Variants in GCDH observed in about 807,000 individuals in gnomAD.
The protein encoded by GCDH is glutaryl-CoA dehydrogenase.
Under a neutral mutation model 52.8 loss-of-function variants are expected in GCDH, and 31 were observed. The ratio of observed to expected loss-of-function variants is 0.59; its 90% CI spans 0.44 to 0.79. The LOEUF (loss-of-function observed/expected upper bound fraction) is 0.79, where lower values mean the gene tolerates loss of function less well. Among genes scored for constraint, GCDH ranks in the 30% least tolerant of loss-of-function variants. The probability of loss-of-function intolerance (pLI) is 0.00; values close to 1 mark genes in which losing one functional copy is unlikely to be tolerated. For synonymous variants in GCDH, 242 were observed against 250.0 expected (o/e 0.97, Z 0.30); for missense variants, 509 against 595.0 (o/e 0.86, Z 1.50).
intron 6 of GCDH, chr19:12,894,075 C>T (rs992750315): frequency 4.8e-5 from 36 of 750,844 alleles, no homozygotes; most frequent in African/African-American, 8.8e-5. Flanking sequence ...ATGTGACCTG[C>T]GCTAAGTGGA....
At chr19:12,898,186 A>ATTTTTTAATGATCC in intron 11 of GCDH, 1 of 414,166 alleles carries the variant, frequency 2.4e-6, no homozygotes, top group Non-Finnish European at 4.6e-6. Context: ...GACTCCTAGC[A>ATTTTTTAATGATCC]GGCTGGTGGA....
At chr19:12,897,050 G>A (rs1488377322) in intron 9 of GCDH, 37 bp downstream of exon 9, 8 of 1,525,258 alleles carry the variant, frequency 5.2e-6, no homozygotes, top group Non-Finnish European at 6.3e-6. Flanking sequence ...CTGGGGGTGT[G>A]GGGCAGCTTG....
In GCDH at chr19:12,899,768, T is replaced by G. The variant is rs911451922; in HGVS notation, c.*227T>G. The G allele has an allele frequency of 6.2e-7, 1 of 1,607,166 alleles. No individual in the cohort carries two copies. The highest frequency in any genetic ancestry group is 1.7e-5 in the Admixed American group (1 of 59,984). ...GAGCGTCTCAATCCACTTTTAACCA[T>G]GGATGAGAGCAGACTCCATTTACCC... On this transcript the variant is annotated 3_prime_UTR_variant, in exon 12 of 12. Coordinates refer to ENST00000222214, the MANE Select transcript of GCDH (RefSeq NM_000159.4).
chr19:12,891,929 C>CA lies in GCDH; in HGVS notation c.227dup (p.Glu77GlyfsTer111), dbSNP rs751446616. The CA allele has an allele frequency of 6.2e-7, 1 of 1,614,224 alleles. No homozygotes were observed. The highest frequency in any genetic ancestry group is 1.1e-5 in the South Asian group (1 of 91,088). Reference sequence around the variant, plus strand: ...CAGGGACACCTTCCGCACCTACTGCCAGGAGAGACTCATGCCTCGCATCCT... The same window carrying CA: ...CAGGGACACCTTCCGCACCTACTGCCAAGGAGAGACTCATGCCTCGCATCCT... On this transcript the variant is annotated frameshift_variant, in exon 4 of 12. Coordinates refer to ENST00000222214, the MANE Select transcript of GCDH (RefSeq NM_000159.4). LOFTEE classifies it high-confidence loss of function.
rs1970685613 is a variant in GCDH at position 12,896,530 on chromosome 19, A to T, written c.852+109A>T. ...CTCCCTGTGCCTGTGGAGCCCACAC[A>T]GTGGTGATTCTTACTCAGCCGGACT... On this transcript the variant is annotated intron_variant, in intron 8 of 11. Transcript: ENST00000222214. This position sits in a 1 kb window ranked among gnomAD's most constrained non-coding sequence, Gnocchi z 5.5. 1.2e-6 allele frequency: 1 copy of T among 869,022 alleles called. No individual in the cohort carries two copies. The highest frequency in any genetic ancestry group is 2.6e-5 in the East Asian group (1 of 37,912). 53.8% of individuals were successfully genotyped at this position (869,022 alleles called of 1,614,324 possible). A position where few individuals can be genotyped will look rare whatever the true frequency, so the allele number is the denominator to read the frequency against.
At chr19:12,894,605 G>C in intron 6 of GCDH, 1 of 675,336 alleles carries the variant, frequency 1.5e-6, no homozygotes, top group Non-Finnish European at 2.6e-6. Flanking sequence ...CCAGTATGTT[G>C]TAAAAAAGCC....
chr19:12,899,208 C>T lies in GCDH; in HGVS notation c.1244-260C>T, dbSNP rs1970771563. The T allele has an allele frequency of 4.7e-5, 38 of 805,718 alleles. No homozygotes were observed. In the South Asian group the frequency reaches 6.1e-4, roughly 13 times the overall value. 49.9% of individuals were successfully genotyped at this position (805,718 alleles called of 1,614,324 possible). Reference sequence around the variant, plus strand: ...CATTTTGGGAGTTCAGCACAAGGAGCTTTGGGTTTTTGTTTTTTTCTGCCA... The same window carrying T: ...CATTTTGGGAGTTCAGCACAAGGAGTTTTGGGTTTTTGTTTTTTTCTGCCA... On this transcript the variant is annotated intron_variant, in intron 11 of 11. Transcript: ENST00000222214.
At chr19:12,899,366 T>A (rs751543103) in intron 11 of GCDH, 102 bp from the exon 12 acceptor site, 4 of 1,614,206 alleles carry the variant, frequency 2.5e-6, no homozygotes, top group East Asian at 4.5e-5. Context: ...TCTGTTGGTC[T>A]GTACTTCTGA....
intron 11 of GCDH, chr19:12,899,058 G>T (rs1053547842): frequency 1.9e-5 from 9 of 483,340 alleles, no homozygotes; most frequent in Non-Finnish European, 3.0e-5. Context: ...TTCAGCCTCT[G>T]TGGCAAGGAA....
chr19:12,892,434 G>C (rs965316244), intron 5 of GCDH: 7 of 571,690 alleles, frequency 1.2e-5, no homozygotes, highest in Non-Finnish European at 2.2e-5. Context: ...TGGGATTACA[G>C]GTATGTGCCA....
In GCDH at chr19:12,896,821, G is replaced by T; in HGVS notation, c.853-89G>T. The T allele has an allele frequency of 2.2e-6, 2 of 896,430 alleles. No individual in the cohort carries two copies. The highest frequency in any genetic ancestry group is 5.1e-5 in the East Asian group (2 of 39,446). 55.5% of individuals were successfully genotyped at this position (896,430 alleles called of 1,614,324 possible). A position where few individuals can be genotyped will look rare whatever the true frequency, so the allele number is the denominator to read the frequency against. On this transcript the variant is annotated intron_variant, in intron 8 of 11. Coordinates refer to ENST00000222214, the MANE Select transcript of GCDH (RefSeq NM_000159.4). This position sits in a 1 kb window ranked among gnomAD's most constrained non-coding sequence, Gnocchi z 5.5. The stretch of plus-strand genomic sequence containing the variant: ...AGTCCCCCTGCGTGGGGTGGCTGGG[G>T]AGGAGGCTTTCCCTGCTTCAGAGTT...
chr19:12,898,118 GGGA>G, intron 11 of GCDH: 1 of 522,210 alleles, frequency 1.9e-6, no homozygotes, highest in South Asian at 2.0e-5. Flanking sequence ...CCACATGCTC[GGGA>G]GGAGGGATGT....
intron 6 of GCDH, chr19:12,893,856 T>C: frequency 3.1e-6 from 2 of 652,654 alleles, no homozygotes; most frequent in Non-Finnish European, 5.6e-6. Context: ...ACCACCGTCA[T>C]CTCCCTATGC....
At chr19:12,898,176 G>A (rs550234507) in intron 11 of GCDH, 28 of 425,344 alleles carry the variant, frequency 6.6e-5, no homozygotes, top group African/African-American at 2.8e-4. Flanking sequence ...GGTGAGGCCC[G>A]ACTCCTAGCA....
chr19:12,896,038 C>T lies in GCDH; in HGVS notation c.552C>T (p.Ser184=), dbSNP rs144887422. ...LGCFGLTEPN[S]GSDPSSMETR... ...GCTTCGGGCTCACAGAGCCCAACAGCGGAAGTGACCCCAGCAGCATGGAGA... is the reference window on the plus strand; with the variant it reads ...GCTTCGGGCTCACAGAGCCCAACAGTGGAAGTGACCCCAGCAGCATGGAGA... The change falls in exon 7 of 12, where the codon AGC becomes AGT. Residue 184 remains serine, a synonymous_variant. Coordinates refer to ENST00000222214, the MANE Select transcript of GCDH (RefSeq NM_000159.4). The surrounding 1 kb of genome is among the most constrained non-coding windows in gnomAD (Gnocchi z 5.5). 27 of 1,613,916 alleles carry T rather than the reference C, an allele frequency of 1.7e-5. No homozygotes were observed. The African/African-American group carries it at 2.7e-4, about 16-fold the overall frequency.
intron 11 of GCDH, chr19:12,898,155 G>A: frequency 2.2e-6 from 1 of 456,196 alleles, no homozygotes; most frequent in Middle Eastern, 6.4e-4. Context: ...AAGCTCCGAA[G>A]GCAGCCCAGG....
chr19:12,897,806 G>A lies in GCDH; in HGVS notation c.1186G>A (p.Asp396Asn). Residue 396 changes from aspartate (D) to asparagine (N), a missense_variant, in exon 11 of 12, where the codon GAC becomes AAC. By Grantham distance (23) the Asp-to-Asn change is conservative (BLOSUM62 1). Coordinates refer to ENST00000222214, the MANE Select transcript of GCDH (RefSeq NM_000159.4). ...RDMLGGNGISDEYHVIRHAMN... is the reference protein window; with the variant it reads ...RDMLGGNGISNEYHVIRHAMN... Reference sequence around the variant, plus strand: ...CATGCTGGGGGGGAATGGGATTTCTGACGAGTATCACGTGATCCGGCACGC... The same window carrying A: ...CATGCTGGGGGGGAATGGGATTTCTAACGAGTATCACGTGATCCGGCACGC... The A allele has an allele frequency of 6.2e-7, 1 of 1,614,050 alleles. No homozygotes were observed. The highest frequency in any genetic ancestry group is 8.5e-7 in the Non-Finnish European group (1 of 1,179,958).
chr19:12,892,407 TC>T, intron 5 of GCDH: 1 of 599,332 alleles, frequency 1.7e-6, no homozygotes, highest in Non-Finnish European at 3.0e-6. Context: ...TTCTCCTGCC[TC>T]CACCCCTCTA....
chr19:12,894,825 G>T, intron 6 of GCDH: 2 of 623,474 alleles, frequency 3.2e-6, no homozygotes, highest in Non-Finnish European at 2.7e-6. Context: ...GTGAAGAGAC[G>T]CAGACTGTCC....
Sources: allele counts gnomAD v4.1 joint callset, GRCh38; gene constraint gnomAD v4.1.1; non-coding constraint Gnocchi (gnomAD v3.1); transcripts MANE v1.5; gene names NCBI Gene and HGNC (gene_info 2026-07-23, HGNC 2026-07-21).